The following TENM2 variants were observed in gnomAD, a reference collection of about 807,000 sequenced individuals.
TENM2 encodes the protein teneurin-2.
TENM2 carries 52 observed loss-of-function variants against 245.2 expected under a neutral mutation model. The observed-to-expected ratio is 0.21, with a 90% CI of 0.17 to 0.27. TENM2 has a LOEUF of 0.27. TENM2 is among the 10% of genes least tolerant of loss of function. The probability of loss-of-function intolerance (pLI) is 1.00; values close to 1 mark genes in which losing one functional copy is unlikely to be tolerated. For missense variants in TENM2, 3,046 were observed against 3,666.8 expected (o/e 0.83, Z 4.37); for synonymous variants, 1,363 against 1,438.9 (o/e 0.95, Z 1.19).
At chr5:167,596,284 T>C (rs1582489436) in intron 2 of TENM2, among the ~76,000 whole-genome samples, 3 of 152,176 alleles carry the variant, frequency 2.0e-5, no homozygotes, top group Non-Finnish European at 2.9e-5. Context: ...CCCGAAAGCC[T>C]GAATACTGTC....
chr5:168,195,461 T>A (rs1761329304), intron 15 of TENM2, among the ~76,000 whole-genome samples, 166 bp downstream of exon 17: 1 of 151,824 alleles, frequency 6.6e-6, no homozygotes, highest in South Asian at 2.1e-4. Context: ...TGCTTTTTGA[T>A]GTGACATCAA....
the TENM2 span, among the ~76,000 whole-genome samples, chr5:167,212,394 G>T: frequency 6.6e-6 from 1 of 152,190 alleles, no homozygotes; most frequent in African/African-American, 2.4e-5. Context: ...TAAATGTGCC[G>T]CACAGATGGG....
chr5:167,509,273 A>T (rs1028382296), intron 2 of TENM2, among the ~76,000 whole-genome samples: 2 of 152,232 alleles, frequency 1.3e-5, no homozygotes, highest in Admixed American at 1.3e-4. Context: ...TAAATATATT[A>T]AAATTTCTAA....
the TENM2 span, among the ~76,000 whole-genome samples, chr5:166,979,208 AGCAG>A: frequency 6.8e-6 from 1 of 147,136 alleles, no homozygotes; most frequent in South Asian, 2.2e-4. Flanking sequence ...CAGCAGCAGC[AGCAG>A]CAGCAGCAGC....
At chr5:167,976,899 G>A (rs778895413) in intron 4 of TENM2, among the ~76,000 whole-genome samples, 6 of 152,218 alleles carry the variant, frequency 3.9e-5, no homozygotes, top group African/African-American at 1.4e-4. Context: ...ATTCACAATA[G>A]TGAAGATATG....
At chr5:167,302,363 G>A (rs1056842778) in intron 1 of TENM2, among the ~76,000 whole-genome samples, 6 of 152,012 alleles carry the variant, frequency 3.9e-5, no homozygotes, top group Non-Finnish European at 5.9e-5. Context: ...GAGGAATGGA[G>A]GGTGGAAGGT....
intron 2 of TENM2, among the ~76,000 whole-genome samples, chr5:167,806,904 G>A (rs1219444590): frequency 6.6e-6 from 1 of 151,816 alleles, no homozygotes; most frequent in African/African-American, 2.4e-5. Context: ...GTAACAGTGT[G>A]TGACAGTACA....
At chr5:167,279,514 T>TTCCTTCCTTCCTTCC in the TENM2 span, among the ~76,000 whole-genome samples, 1 of 98,212 alleles carries the variant, frequency 1.0e-5, no homozygotes, top group African/African-American at 3.7e-5. Context: ...CCTTCCTTCC[T>TTCCTTCCTTCCTTCC]TTCCTTCCTT....
chr5:167,969,153 G>T (rs1466021164), intron 4 of TENM2, among the ~76,000 whole-genome samples: 1 of 152,096 alleles, frequency 6.6e-6, no homozygotes, highest in Non-Finnish European at 1.5e-5. Context: ...ATGTTGATAG[G>T]GTTTGGCTGT....
intron 2 of TENM2, among the ~76,000 whole-genome samples, chr5:167,377,337 A>G (rs1159354331): frequency 2.6e-5 from 4 of 152,172 alleles, no homozygotes; most frequent in African/African-American, 4.8e-5. Context: ...TTCCTACAGT[A>G]CTAGTTGCAA....
At chr5:167,360,925 T>G (rs563716840) in intron 1 of TENM2, among the ~76,000 whole-genome samples, 1 of 152,294 alleles carries the variant, frequency 6.6e-6, no homozygotes, top group South Asian at 2.1e-4. Flanking sequence ...GTACACAGTC[T>G]CTCACCTAGG....
intron 27 of TENM2, among the ~76,000 whole-genome samples, chr5:168,257,289 G>T (rs1767753683): frequency 6.6e-6 from 1 of 152,122 alleles, no homozygotes. Flanking sequence ...GATGGGGGGT[G>T]GCAGTTGGGG....
At chr5:168,097,486 G>T (rs758675786) in intron 8 of TENM2, among the ~76,000 whole-genome samples, 1 of 152,164 alleles carries the variant, frequency 6.6e-6, no homozygotes. Context: ...GTGCAATGGC[G>T]CAATCTCAGC....
chr5:167,940,179 C>T (rs559195186), intron 3 of TENM2, among the ~76,000 whole-genome samples: 24 of 152,108 alleles, frequency 1.6e-4, no homozygotes, highest in African/African-American at 5.1e-4. Flanking sequence ...CAAATGATAC[C>T]GCAGTATACT....
intron 4 of TENM2, among the ~76,000 whole-genome samples, chr5:167,988,028 C>A (rs1052145943): frequency 1.1e-4 from 16 of 152,232 alleles, no homozygotes; most frequent in African/African-American, 3.4e-4. Context: ...TGCCAATGAG[C>A]GGCCTGAGAG....
At chr5:167,883,554 G>T (rs1324547754) in intron 3 of TENM2, among the ~76,000 whole-genome samples, 1 of 152,202 alleles carries the variant, frequency 6.6e-6, no homozygotes, top group African/African-American at 2.4e-5. Context: ...AGACGGCAGA[G>T]AACTGCTCTT....
At chr5:167,686,111 C>A (rs368988085) in intron 2 of TENM2, among the ~76,000 whole-genome samples, 2 of 152,106 alleles carry the variant, frequency 1.3e-5, no homozygotes, top group Non-Finnish European at 2.9e-5. Context: ...AATAAGACAG[C>A]GTGTATTGAT....
the TENM2 span, among the ~76,000 whole-genome samples, chr5:167,086,262 C>A: frequency 2.0e-5 from 3 of 152,292 alleles, no homozygotes; most frequent in Admixed American, 6.5e-5. Context: ...TTCTATGTGA[C>A]CTTCATCAGC....
chr5:168,223,058 A>G (rs1252602860), intron 23 of TENM2, among the ~76,000 whole-genome samples: 1 of 152,248 alleles, frequency 6.6e-6, no homozygotes, highest in African/African-American at 2.4e-5. Flanking sequence ...AGTCATTTGC[A>G]AAAAGACCTA....
Sources: allele counts gnomAD v4.1 joint callset (sites outside exome capture counted in the v4.1 genomes callset), GRCh38; gene constraint gnomAD v4.1.1; transcripts MANE v1.5; gene names NCBI Gene and HGNC (gene_info 2026-07-23, HGNC 2026-07-21).